Variants in LRP1B observed in about 807,000 individuals in gnomAD.
LRP1B encodes the protein LDL receptor related protein 1B.
A neutral mutation model predicts 556.6 loss-of-function variants in LRP1B; 217 were observed. That is an observed-to-expected ratio of 0.39 (90% CI 0.35 to 0.44). The LOEUF (loss-of-function observed/expected upper bound fraction) is 0.44. Ranked by LOEUF, LRP1B falls within the 20% of genes least tolerant of loss-of-function variation. The probability of loss-of-function intolerance (pLI) is 1.00; values close to 1 mark genes in which losing one functional copy is unlikely to be tolerated. For missense variants in LRP1B, 5,053 were observed against 5,620.8 expected (o/e 0.90, Z 3.23); for synonymous variants, 2,047 against 1,865.8 (o/e 1.10, Z -2.50).
chr2:140,884,065 G>C (rs963502945), intron 24 of LRP1B, 44 bp from the exon 25 acceptor site: 1 of 1,567,480 alleles, frequency 6.4e-7, no homozygotes, highest in Non-Finnish European at 8.8e-7. Context: ...TTCAAGGATT[G>C]TGTTAAGCAC....
At chr2:141,106,585 C>T (rs1428557946) in intron 7 of LRP1B, among the ~76,000 whole-genome samples, 5 of 151,960 alleles carry the variant, frequency 3.3e-5, no homozygotes, top group Admixed American at 3.3e-4. Context: ...ATTATGCAAA[C>T]CTTGCTTACA....
chr2:142,036,510 G>GT (rs1482464626), intron 1 of LRP1B, among the ~76,000 whole-genome samples: 2 of 151,548 alleles, frequency 1.3e-5, no homozygotes, highest in Non-Finnish European at 3.0e-5. Context: ...CAGCAGGATA[G>GT]TATCAAGTCT....
chr2:140,488,400 G>A (rs1303447149), intron 57 of LRP1B, among the ~76,000 whole-genome samples: 1 of 152,032 alleles, frequency 6.6e-6, no homozygotes, highest in Non-Finnish European at 1.5e-5. Context: ...TGGTGGAAAT[G>A]TGAGGAAATG....
intron 11 of LRP1B, among the ~76,000 whole-genome samples, chr2:141,026,263 T>C (rs1698215211): frequency 6.6e-6 from 1 of 152,144 alleles, no homozygotes; most frequent in South Asian, 2.1e-4. Context: ...TAGTAGTCAC[T>C]TGGACAATTT....
chr2:140,629,043 T>A (rs1465632258), intron 41 of LRP1B, among the ~76,000 whole-genome samples: 1 of 151,940 alleles, frequency 6.6e-6, no homozygotes, highest in Non-Finnish European at 1.5e-5. Context: ...TTACCCAGTC[T>A]CGGGTAGTTC....
chr2:140,326,497 G>T (rs1235462705), intron 79 of LRP1B, among the ~76,000 whole-genome samples: 1 of 151,430 alleles, frequency 6.6e-6, no homozygotes, highest in African/African-American at 2.4e-5. Context: ...AGCCTGAGGC[G>T]GGACGGTCAG....
intron 35 of LRP1B, among the ~76,000 whole-genome samples, chr2:140,742,297 T>G (rs527544034): frequency 2.0e-5 from 3 of 152,298 alleles, no homozygotes; most frequent in Admixed American, 2.0e-4. Context: ...ACTGAATGGC[T>G]CCTCTCTTTT....
At chr2:141,560,409 G>A (rs973875783) in intron 2 of LRP1B, among the ~76,000 whole-genome samples, 7 of 151,774 alleles carry the variant, frequency 4.6e-5, no homozygotes, top group African/African-American at 1.7e-4. Flanking sequence ...TAGGCTTGTA[G>A]GTTTTTTACA....
chr2:140,448,408 G>A (rs964273406), intron 63 of LRP1B, among the ~76,000 whole-genome samples: 1 of 152,010 alleles, frequency 6.6e-6, no homozygotes, highest in Non-Finnish European at 1.5e-5. Context: ...ATATACATGA[G>A]GGAATAATAT....
intron 49 of LRP1B, among the ~76,000 whole-genome samples, chr2:140,522,751 A>G (rs1690238412): frequency 6.6e-6 from 1 of 151,910 alleles, no homozygotes; most frequent in African/African-American, 2.4e-5. Context: ...TGATCCCACA[A>G]AATATCATCA....
intron 2 of LRP1B, among the ~76,000 whole-genome samples, chr2:141,557,910 A>G (rs1318738496): frequency 1.3e-5 from 2 of 151,814 alleles, no homozygotes; most frequent in Non-Finnish European, 2.9e-5. Flanking sequence ...GAGGAAACAG[A>G]TGGTCCTTAT....
intron 1 of LRP1B, among the ~76,000 whole-genome samples, chr2:142,039,000 G>A (rs971506566): frequency 1.3e-4 from 19 of 151,362 alleles, no homozygotes; most frequent in African/African-American, 4.4e-4. Context: ...TGTTTTCCTT[G>A]CTCAAGTTTT....
chr2:140,314,323 TAGA>T (rs1323925338), intron 83 of LRP1B, among the ~76,000 whole-genome samples: 8 of 152,164 alleles, frequency 5.3e-5, no homozygotes, highest in Admixed American at 2.6e-4. Context: ...TACAAGTCAG[TAGA>T]AGAATATGTT....
At chr2:140,289,702 C>A (rs976947808) in intron 84 of LRP1B, among the ~76,000 whole-genome samples, 1 of 151,244 alleles carries the variant, frequency 6.6e-6, no homozygotes, top group East Asian at 1.9e-4. Flanking sequence ...ATTTTTACAA[C>A]CCTGACAATT....
At chr2:140,627,774 G>C (rs969559602) in intron 41 of LRP1B, among the ~76,000 whole-genome samples, 1 of 152,108 alleles carries the variant, frequency 6.6e-6, no homozygotes, top group Admixed American at 6.6e-5. Context: ...CACAGCTTTA[G>C]AGTAAGGAGG....
At chr2:141,598,865 G>A (rs1687617947) in intron 2 of LRP1B, among the ~76,000 whole-genome samples, 1 of 152,076 alleles carries the variant, frequency 6.6e-6, no homozygotes, top group South Asian at 2.1e-4. Flanking sequence ...CCACAAAGAA[G>A]GTGAAAAGCG....
At chr2:142,046,330 T>C (rs1704258541) in intron 1 of LRP1B, among the ~76,000 whole-genome samples, 1 of 151,948 alleles carries the variant, frequency 6.6e-6, no homozygotes, top group Non-Finnish European at 1.5e-5. Flanking sequence ...TTCCAGCATT[T>C]GGAGCATGAC....
At chr2:141,658,787 G>C (rs536978817) in intron 2 of LRP1B, among the ~76,000 whole-genome samples, 1 of 152,306 alleles carries the variant, frequency 6.6e-6, no homozygotes, top group Admixed American at 6.5e-5. Flanking sequence ...CAAAGATTGA[G>C]TTTTGCAACT....
At chr2:141,453,064 C>A (rs897158939) in intron 3 of LRP1B, among the ~76,000 whole-genome samples, 1 of 151,914 alleles carries the variant, frequency 6.6e-6, no homozygotes, top group South Asian at 2.1e-4. Context: ...GGTGAATACC[C>A]GTCTCTACTA....
Sources: allele counts gnomAD v4.1 joint callset (sites outside exome capture counted in the v4.1 genomes callset), GRCh38; gene constraint gnomAD v4.1.1; transcripts MANE v1.5; gene names NCBI Gene and HGNC (gene_info 2026-07-23, HGNC 2026-07-21).